The following SGCD variants were observed in gnomAD, a reference collection of about 807,000 sequenced individuals.
The protein encoded by SGCD is sarcoglycan delta, also known as delta-sarcoglycan.
A neutral mutation model predicts 36.6 loss-of-function variants in SGCD; 18 were observed. The observed-to-expected ratio is 0.49, with a 90% CI of 0.34 to 0.73. The LOEUF (loss-of-function observed/expected upper bound fraction) is 0.73. SGCD is among the 30% of genes least tolerant of loss of function. The pLI is 0.01. For missense variants in SGCD, 387 were observed against 346.7 expected (o/e 1.12, Z -0.92); for synonymous variants, 133 against 130.6 (o/e 1.02, Z -0.12).
the SGCD span, among the ~76,000 whole-genome samples, chr5:155,728,277 T>C: frequency 6.6e-6 from 1 of 152,014 alleles, no homozygotes; most frequent in African/African-American, 2.4e-5. Context: ...TGGCGGCCGC[T>C]GCTGCCGCTG....
intron 7 of SGCD, among the ~76,000 whole-genome samples, chr5:156,672,897 A>T (rs532355640): frequency 2.8e-4 from 43 of 152,064 alleles, no homozygotes; most frequent in Middle Eastern, 6.8e-3. Flanking sequence ...TCGTCTCTAC[A>T]TTTTTCTAGA....
the SGCD span, among the ~76,000 whole-genome samples, chr5:155,841,534 GA>G: frequency 6.6e-6 from 1 of 152,044 alleles, no homozygotes; most frequent in Admixed American, 6.6e-5. Flanking sequence ...TATTTTTTGT[GA>G]ATACTCTGTT....
At chr5:155,965,912 C>A (rs1239221761) in intron 1 of SGCD, among the ~76,000 whole-genome samples, 3 of 152,046 alleles carry the variant, frequency 2.0e-5, no homozygotes, top group African/African-American at 7.2e-5. Flanking sequence ...GGGATTGGGG[C>A]TGCATCACTA....
chr5:156,417,903 G>T (rs577437457), intron 3 of SGCD, among the ~76,000 whole-genome samples: 1 of 152,134 alleles, frequency 6.6e-6, no homozygotes, highest in South Asian at 2.1e-4. Context: ...CCTTGTCACA[G>T]TTCTTTCATA....
At chr5:156,015,096 G>A (rs1283532779) in intron 1 of SGCD, among the ~76,000 whole-genome samples, 2 of 152,124 alleles carry the variant, frequency 1.3e-5, no homozygotes, top group African/African-American at 2.4e-5. Context: ...GAGATACTTC[G>A]AGAACATTAT....
intron 1 of SGCD, among the ~76,000 whole-genome samples, chr5:156,007,070 G>A (rs1038284358): frequency 6.6e-6 from 1 of 152,160 alleles, no homozygotes; most frequent in African/African-American, 2.4e-5. Flanking sequence ...TCTATTCTAA[G>A]AAGCTCACTT....
the SGCD span, among the ~76,000 whole-genome samples, chr5:155,743,175 C>T: frequency 6.8e-6 from 1 of 148,020 alleles, no homozygotes. Flanking sequence ...CTCTCATCTC[C>T]TTTCCATGTG....
the SGCD span, among the ~76,000 whole-genome samples, chr5:155,805,693 C>T: frequency 2.0e-5 from 3 of 152,230 alleles, no homozygotes; most frequent in Non-Finnish European, 2.9e-5. Flanking sequence ...AAGTGTTGCA[C>T]GAAAGCTACA....
At chr5:156,742,998 C>A (rs953961581) in intron 7 of SGCD, among the ~76,000 whole-genome samples, 1 of 151,850 alleles carries the variant, frequency 6.6e-6, no homozygotes, top group Non-Finnish European at 1.5e-5. Context: ...GTGGTTTAGT[C>A]AAGTTGAAAA....
intron 4 of SGCD, among the ~76,000 whole-genome samples, chr5:156,568,455 A>C (rs1348833419): frequency 2.0e-5 from 3 of 152,226 alleles, no homozygotes; most frequent in Non-Finnish European, 4.4e-5. Context: ...CCCCCCATTG[A>C]AAGCACTGGC....
At chr5:156,056,050 A>C (rs1383958129) in intron 1 of SGCD, among the ~76,000 whole-genome samples, 1 of 146,650 alleles carries the variant, frequency 6.8e-6, no homozygotes, top group Non-Finnish European at 1.5e-5. Context: ...TCAGTCAGAA[A>C]TAGTGACAAA....
intron 3 of SGCD, among the ~76,000 whole-genome samples, chr5:156,249,457 A>T (rs1256082183): frequency 6.6e-6 from 1 of 152,212 alleles, no homozygotes; most frequent in Non-Finnish European, 1.5e-5. Flanking sequence ...TCAGTGCCCT[A>T]ATATTCCTGC....
intron 1 of SGCD, among the ~76,000 whole-genome samples, chr5:155,958,673 G>C (rs370499329): frequency 3.7e-4 from 57 of 152,262 alleles, no homozygotes; most frequent in African/African-American, 1.4e-3. Flanking sequence ...CAGTATTTGA[G>C]TCCTAGTTTA....
intron 1 of SGCD, among the ~76,000 whole-genome samples, chr5:156,038,878 C>A (rs1759565062): frequency 6.6e-6 from 1 of 152,116 alleles, no homozygotes; most frequent in African/African-American, 2.4e-5. Flanking sequence ...TACAAATATG[C>A]AAAGTGGTAT....
chr5:156,075,308 T>C (rs1420138332), intron 1 of SGCD, among the ~76,000 whole-genome samples: 1 of 151,918 alleles, frequency 6.6e-6, no homozygotes, highest in East Asian at 1.9e-4. Flanking sequence ...TAGTAAAACA[T>C]GCTGACAATT....
chr5:156,741,231 T>G (rs1001482032), intron 7 of SGCD, among the ~76,000 whole-genome samples: 3 of 152,158 alleles, frequency 2.0e-5, no homozygotes, highest in African/African-American at 7.2e-5. Flanking sequence ...ATGAAGGAAA[T>G]GAAAACGAGA....
At chr5:156,068,714 G>T (rs1388287567) in intron 1 of SGCD, among the ~76,000 whole-genome samples, 1 of 151,678 alleles carries the variant, frequency 6.6e-6, no homozygotes, top group Non-Finnish European at 1.5e-5. Flanking sequence ...TTCCACAATG[G>T]TTGAACTAGT....
chr5:156,396,573 G>C (rs1194714272), intron 3 of SGCD, among the ~76,000 whole-genome samples: 2 of 152,122 alleles, frequency 1.3e-5, no homozygotes, highest in African/African-American at 4.8e-5. Context: ...GTATTGATTG[G>C]TTAATATGTT....
chr5:155,953,171 T>A (rs774568812), intron 1 of SGCD, among the ~76,000 whole-genome samples: 7 of 152,152 alleles, frequency 4.6e-5, no homozygotes, highest in Non-Finnish European at 8.8e-5. Flanking sequence ...GTCTGTTCCT[T>A]TTGCCTGGAG....
Sources: gnomAD v4.1 joint callset for allele counts (sites outside exome capture counted in the v4.1 genomes callset) on GRCh38, gnomAD v4.1.1 for gene constraint, MANE v1.5 for transcripts, NCBI Gene and HGNC (gene_info 2026-07-23, HGNC 2026-07-21) for gene names.